POLR3G: variants seen among roughly 807,000 people sequenced by gnomAD.
POLR3G encodes the protein RNA polymerase III subunit G.
POLR3G carries 28 observed loss-of-function variants against 30.1 expected under a neutral mutation model. That is an observed-to-expected ratio of 0.93 (90% CI 0.69 to 1.27). The LOEUF is 1.27. POLR3G is among the 50% of genes most tolerant of loss of function. The pLI is 0.00. For synonymous variants in POLR3G, 79 were observed against 82.5 expected, an observed-to-expected ratio of 0.96 and a Z score of 0.23; for missense variants, 254 against 264.6, an observed-to-expected ratio of 0.96 and a Z score of 0.28.
At chr5:90,510,326 C>T (rs908496074) in intron 7 of POLR3G, among the ~76,000 whole-genome samples, 2 of 151,776 alleles carry the variant, frequency 1.3e-5, no homozygotes, top group African/African-American at 4.8e-5. Context: ...TTCAGTGAGC[C>T]GAGATCGCGC....
At chr5:90,503,054 C>G (rs1016462078) in intron 6 of POLR3G, among the ~76,000 whole-genome samples, 7 of 152,038 alleles carry the variant, frequency 4.6e-5, no homozygotes, top group Non-Finnish European at 1.0e-4. Context: ...GAGGTTATAC[C>G]AATTTACTAC....
chr5:90,501,247 G>A (rs1466809228), intron 5 of POLR3G, among the ~76,000 whole-genome samples: 3 of 152,084 alleles, frequency 2.0e-5, no homozygotes, highest in Non-Finnish European at 4.4e-5. Flanking sequence ...TAAGGCAGAA[G>A]TATTTTTATT....
At chr5:90,474,331 G>C (rs1406946176), upstream of POLR3G, 1 of 1,578,940 alleles carries the variant, frequency 6.3e-7, no homozygotes, top group Admixed American at 1.7e-5. Flanking sequence ...GAGTGTGGGC[G>C]TGCGAGTCTC....
intron 3 of POLR3G, among the ~76,000 whole-genome samples, chr5:90,494,307 A>G (rs187980330): frequency 2.6e-5 from 4 of 152,198 alleles, no homozygotes; most frequent in Admixed American, 6.5e-5. Context: ...TCCACTCATC[A>G]CTTGATGGGC....
chr5:90,481,063 C>T (rs1363135599), intron 1 of POLR3G, among the ~76,000 whole-genome samples: 1 of 152,052 alleles, frequency 6.6e-6, no homozygotes, highest in Non-Finnish European at 1.5e-5. Flanking sequence ...AAATTGATCC[C>T]TGGTGGAATT....
intron 6 of POLR3G, among the ~76,000 whole-genome samples, chr5:90,503,617 GA>G (rs1187753693): frequency 1.3e-5 from 2 of 152,202 alleles, no homozygotes. Context: ...ACACACACTG[GA>G]AAAACTGGAA....
At chr5:90,502,916 C>T (rs1752321801) in intron 6 of POLR3G, among the ~76,000 whole-genome samples, 2 of 150,832 alleles carry the variant, frequency 1.3e-5, no homozygotes, top group Admixed American at 1.3e-4. Flanking sequence ...CTGTTATTAA[C>T]AATGCTGCAA....
intron 6 of POLR3G, 55 bp downstream of exon 6, chr5:90,502,043 C>T (rs564247080): frequency 1.9e-5 from 30 of 1,572,270 alleles, no homozygotes; most frequent in Admixed American, 1.5e-4. Context: ...AAGATCCTAC[C>T]TCGTTTTGCT....
Position 90,475,240 on chromosome 5 carries a change from A to C in POLR3G, c.-44+220A>C, listed in dbSNP as rs886337674. ...CAGATCTTACCTAGTCTCTACTCCTAGGACTGTTTGCAGTGAGTTAGAAGG... is the reference window on the plus strand; with the variant it reads ...CAGATCTTACCTAGTCTCTACTCCTCGGACTGTTTGCAGTGAGTTAGAAGG... On this transcript the variant is annotated intron_variant, in intron 1 of 7. Transcript: ENST00000651687. 4.6e-5 allele frequency among the ~76,000 whole-genome samples: 7 copies of C among 152,286 alleles called. No individual in the cohort carries two copies. The South Asian group carries it at 1.4e-3, about 32-fold the overall frequency.
At chr5:90,494,897 G>T (rs1224117883) in intron 3 of POLR3G, among the ~76,000 whole-genome samples, 1 of 152,106 alleles carries the variant, frequency 6.6e-6, no homozygotes, top group African/African-American at 2.4e-5. Flanking sequence ...TATACTGAGG[G>T]TTAAAATTAT....
chr5:90,493,776 C>T (rs544300807), intron 3 of POLR3G, among the ~76,000 whole-genome samples: 2 of 134,414 alleles, frequency 1.5e-5, no homozygotes, highest in African/African-American at 2.7e-5. Context: ...GGCATTATCT[C>T]AGTTCACTGC....
intron 1 of POLR3G, among the ~76,000 whole-genome samples, chr5:90,484,745 G>A (rs972540910): frequency 1.3e-5 from 2 of 152,114 alleles, no homozygotes; most frequent in Non-Finnish European, 2.9e-5. Flanking sequence ...TGGGTTCAAG[G>A]GGTTAAATGA....
At chr5:90,490,590 TAGAGACGGGAGTC>T in intron 3 of POLR3G, 3 of 383,412 alleles carry the variant, frequency 7.8e-6, no homozygotes, top group East Asian at 1.7e-4. Context: ...TTTTTTTTTG[TAGAGACGGGAGTC>T]TTGCTTTTTT....
At chr5:90,510,868 T>TA (rs35627067) in intron 7 of POLR3G, among the ~76,000 whole-genome samples, 295 of 142,760 alleles carry the variant, frequency 2.1e-3, no homozygotes, top group African/African-American at 2.1e-3. Flanking sequence ...TATCCAGATT[T>TA]AAAAAAAAAA....
intron 1 of POLR3G, among the ~76,000 whole-genome samples, chr5:90,480,218 G>A (rs936635453): frequency 6.6e-6 from 1 of 152,150 alleles, no homozygotes; most frequent in African/African-American, 2.4e-5. Flanking sequence ...TATTGAAAAA[G>A]GAATGAGACA....
At chr5:90,490,570 AATTTTT>A in intron 3 of POLR3G, 1 of 387,546 alleles carries the variant, frequency 2.6e-6, no homozygotes, top group Non-Finnish European at 5.0e-6. Flanking sequence ...GCTAACTTTT[AATTTTT>A]TTTTTTTTTT....
chr5:90,508,329 C>CT (rs70999490), intron 7 of POLR3G, among the ~76,000 whole-genome samples: 12,064 of 146,302 alleles, frequency 0.082, 500 homozygotes, highest in Non-Finnish European at 0.093. Flanking sequence ...TCCTCCTCCT[C>CT]TTTTTTTTTT....
chr5:90,511,949 TTG>T (rs1306207902), intron 7 of POLR3G, 102 bp from the exon 8 acceptor site: 3 of 746,768 alleles, frequency 4.0e-6, no homozygotes, highest in African/African-American at 3.5e-5. Context: ...GTGAAAACTG[TTG>T]TGTTTTTGAA....
At chr5:90,498,163 G>GTATATATATA (rs2151910492) in intron 5 of POLR3G, among the ~76,000 whole-genome samples, 1 of 152,220 alleles carries the variant, frequency 6.6e-6, no homozygotes, top group South Asian at 2.1e-4. Context: ...GTATGTGTGT[G>GTATATATATA]TGTGTGTATA....
Sources: gnomAD v4.1 joint callset for allele counts (sites outside exome capture counted in the v4.1 genomes callset) on GRCh38, gnomAD v4.1.1 for gene constraint, MANE v1.5 for transcripts, NCBI Gene and HGNC (gene_info 2026-07-23, HGNC 2026-07-21) for gene names.